The following NXPE4 variants were observed in gnomAD, a reference collection of about 807,000 sequenced individuals.
NXPE4 encodes NXPE family member 4.
Under a neutral mutation model 33.3 loss-of-function variants are expected in NXPE4, and 42 were observed. The ratio of observed to expected loss-of-function variants is 1.26; its 90% confidence interval spans 0.98 to 1.63. The LOEUF (loss-of-function observed/expected upper bound fraction) is 1.63, where lower values mean the gene tolerates loss of function less well. Among genes scored for constraint, NXPE4 ranks in the 40% most tolerant of loss-of-function variants. The pLI, the probability that NXPE4 is intolerant of heterozygous loss-of-function variation, is 0.00. For missense variants in NXPE4, 709 were observed against 647.6 expected (o/e 1.09, Z -1.03); for synonymous variants, 253 against 234.9 (o/e 1.08, Z -0.71).
the NXPE4 span, among the ~76,000 whole-genome samples, chr11:114,641,715 C>T: frequency 6.6e-6 from 1 of 152,004 alleles, no homozygotes; most frequent in East Asian, 1.9e-4. Context: ...AGAATAAAAC[C>T]TAACTCTTAG....
the NXPE4 span, among the ~76,000 whole-genome samples, chr11:114,633,088 A>T: frequency 8.4e-6 from 1 of 118,650 alleles, no homozygotes; most frequent in Admixed American, 1.0e-4. Flanking sequence ...TTTATCTTTT[A>T]TGTATTTTAT....
At chr11:114,605,898 T>C in the NXPE4 span, among the ~76,000 whole-genome samples, 5 of 151,472 alleles carry the variant, frequency 3.3e-5, no homozygotes, top group African/African-American at 1.2e-4. Flanking sequence ...TAACCAATGT[T>C]ACCCGGTTTA....
chr11:114,574,725 T>A (rs1045782877), intron 5 of NXPE4, among the ~76,000 whole-genome samples: 1 of 151,604 alleles, frequency 6.6e-6, no homozygotes, highest in Admixed American at 6.6e-5. Context: ...ACACAAAAAG[T>A]TCAGGATAGA....
intron 2 of NXPE4, chr11:114,584,384 C>G (rs1949235182): frequency 3.0e-6 from 1 of 335,372 alleles, no homozygotes; most frequent in Non-Finnish European, 6.0e-6. Flanking sequence ...GCCCATCCAC[C>G]TGCAGTCCAA....
chr11:114,639,831 T>TATTAAATATAAAATATAATA, the NXPE4 span, among the ~76,000 whole-genome samples: 1 of 107,986 alleles, frequency 9.3e-6, no homozygotes, highest in Non-Finnish European at 1.7e-5. Flanking sequence ...ATAATATATA[T>TATTAAATATAAAATATAATA]TATATTAAAT....
the NXPE4 span, among the ~76,000 whole-genome samples, chr11:114,618,240 T>G: frequency 6.6e-6 from 1 of 151,210 alleles, no homozygotes; most frequent in African/African-American, 2.4e-5. Context: ...ATAAGGATTG[T>G]CTTATGGGTA....
chr11:114,665,307 A>G, the NXPE4 span, among the ~76,000 whole-genome samples: 7 of 152,094 alleles, frequency 4.6e-5, no homozygotes, highest in African/African-American at 1.7e-4. Flanking sequence ...CAATCTCTCT[A>G]ATTAGAATGT....
the NXPE4 span, among the ~76,000 whole-genome samples, chr11:114,654,651 G>C: frequency 0.019 from 2,853 of 152,018 alleles, 86 homozygotes; most frequent in African/African-American, 0.065. Flanking sequence ...AAGACATCTC[G>C]TTCCTTTTTT....
At chr11:114,587,746 C>CT (rs1167223403) in intron 2 of NXPE4, among the ~76,000 whole-genome samples, 4 of 152,260 alleles carry the variant, frequency 2.6e-5, no homozygotes, top group South Asian at 4.1e-4. Flanking sequence ...AAAGGGACAC[C>CT]TTTTTTCTTG....
At chr11:114,594,890 C>A (rs1949545494) in intron 1 of NXPE4, 121 bp from the exon 2 acceptor site, 1 of 587,438 alleles carries the variant, frequency 1.7e-6, no homozygotes, top group Admixed American at 3.1e-5. Context: ...AGATAAATAA[C>A]TCCCAGAAAT....
the NXPE4 span, among the ~76,000 whole-genome samples, chr11:114,624,816 G>A: frequency 1.6e-3 from 239 of 152,274 alleles, 1 homozygote; most frequent in Admixed American, 3.9e-3. Flanking sequence ...AGTAAGTATT[G>A]CCTTGTGGGT....
intron 2 of NXPE4, among the ~76,000 whole-genome samples, chr11:114,589,944 G>C (rs1056617120): frequency 6.6e-6 from 1 of 152,156 alleles, no homozygotes; most frequent in Non-Finnish European, 1.5e-5. Context: ...TAATCCAAAT[G>C]CCTGAGGGAA....
chr11:114,648,120 C>T, the NXPE4 span, among the ~76,000 whole-genome samples: 14 of 152,094 alleles, frequency 9.2e-5, no homozygotes, highest in Admixed American at 3.3e-4. Context: ...CTTAGAATCT[C>T]CTAATGATAG....
the NXPE4 span, among the ~76,000 whole-genome samples, chr11:114,638,218 C>T: frequency 2.0e-5 from 3 of 151,974 alleles, no homozygotes; most frequent in African/African-American, 7.3e-5. Flanking sequence ...TTCATTTCGT[C>T]TTTCATCACT....
At position 114,583,188 on chromosome 11, in the gene NXPE4, C is replaced by G. The variant is rs181712337; in HGVS notation, c.97-167G>C. On this transcript the variant is annotated intron_variant, in intron 2 of 5. Coordinates refer to ENST00000375478, the MANE Select transcript of NXPE4 (RefSeq NM_001077639.2). The stretch of plus-strand genomic sequence containing the variant: ...CTATTATCAATATTATTTAAATTCT[C>G]CAATAAAAAGGCATAGAATGGAGAT... The G allele has an allele frequency of 2.2e-4, 186 of 831,782 alleles. No individual in the cohort carries two copies. In the East Asian group the frequency reaches 4.1e-3, roughly 18 times the overall value. The allele number at this position is 831,782 out of a possible 1,614,324, so 51.5% of individuals were successfully genotyped here. A position where few individuals can be genotyped will look rare whatever the true frequency, so the allele number is the denominator to read the frequency against.
At chr11:114,619,157 AG>A in the NXPE4 span, among the ~76,000 whole-genome samples, 1 of 151,740 alleles carries the variant, frequency 6.6e-6, no homozygotes, top group African/African-American at 2.4e-5. Context: ...GTGGGTAATA[AG>A]TATTGCCTCT....
the NXPE4 span, among the ~76,000 whole-genome samples, chr11:114,601,173 T>G: frequency 2.6e-5 from 4 of 151,600 alleles, no homozygotes; most frequent in African/African-American, 9.7e-5. Flanking sequence ...AACTCTGGAG[T>G]TTTAGTGTAC....
At chr11:114,666,670 C>T in the NXPE4 span, among the ~76,000 whole-genome samples, 1 of 151,988 alleles carries the variant, frequency 6.6e-6, no homozygotes, top group Non-Finnish European at 1.5e-5. Flanking sequence ...AAATATTATT[C>T]ATGGTTTCAC....
At chr11:114,578,351 A>G (rs894841652) in intron 5 of NXPE4, among the ~76,000 whole-genome samples, 3 of 152,196 alleles carry the variant, frequency 2.0e-5, no homozygotes, top group Non-Finnish European at 4.4e-5. Context: ...TTCTATGACA[A>G]ATTAAAAGAT....
Sources: gnomAD v4.1 joint callset for allele counts (sites outside exome capture counted in the v4.1 genomes callset) on GRCh38, gnomAD v4.1.1 for gene constraint, MANE v1.5 for transcripts, NCBI Gene and HGNC (gene_info 2026-07-23, HGNC 2026-07-21) for gene names.